The following RUSC2 variants were observed in gnomAD, a reference collection of about 807,000 sequenced individuals.
RUSC2 encodes AP-4 complex accessory subunit RUSC2.
A neutral mutation model predicts 122.2 loss-of-function variants in RUSC2; 34 were observed. That is an observed-to-expected ratio of 0.28 (90% CI 0.21 to 0.37). The LOEUF (loss-of-function observed/expected upper bound fraction) is 0.37. RUSC2 is among the 10% of genes least tolerant of loss of function. The probability of loss-of-function intolerance (pLI) is 1.00; values close to 1 mark genes in which losing one functional copy is unlikely to be tolerated. For synonymous variants in RUSC2, 784 were observed against 790.0 expected (o/e 0.99, Z 0.13); for missense variants, 1,747 against 1,952.4 (o/e 0.89, Z 1.98).
Position 35,556,149 on chromosome 9 carries a change from G to A in RUSC2, c.2842+12G>A, listed in dbSNP as rs1306492511. ...CTGCCGGCTGAATGGTGTGTGAGCA[G>A]GGTCCCCAGTACACCCGGGGCAGGC... is the stretch of plus-strand genomic sequence containing the variant. On this transcript the variant is annotated intron_variant, in intron 4 of 11. Transcript: ENST00000361226. 6 of 1,613,560 alleles carry A rather than the reference G, an allele frequency of 3.7e-6. No individual in the cohort carries two copies. The highest frequency in any genetic ancestry group is 4.2e-6 in the Non-Finnish European group (5 of 1,179,710).
At chr9:35,501,341 C>G (rs1049131341) in intron 1 of RUSC2, among the ~76,000 whole-genome samples, 3 of 152,184 alleles carry the variant, frequency 2.0e-5, no homozygotes, top group African/African-American at 7.2e-5. Flanking sequence ...CTTTGGGAGG[C>G]CAAGTAAGGT....
Position 35,549,738 on chromosome 9 carries a change from G to A in RUSC2, c.2014+1203G>A, listed in dbSNP as rs546484117. ...AATAGCTTGACCCTTTCTAGGAACT[G>A]CATATAATTTGGTGAAGCCATAGTG... On this transcript the variant is annotated intron_variant, in intron 2 of 11. Transcript: ENST00000361226. Among the ~76,000 whole-genome samples, 5 of 152,336 alleles carry A rather than the reference G, an allele frequency of 3.3e-5. No homozygotes were observed. The South Asian group carries it at 1.0e-3, about 32-fold the overall frequency.
chr9:35,509,171 T>A (rs1820970541), intron 1 of RUSC2, among the ~76,000 whole-genome samples: 1 of 151,982 alleles, frequency 6.6e-6, no homozygotes, highest in South Asian at 2.1e-4. Flanking sequence ...CAAAAAAAAA[T>A]TAAAAATTAG....
chr9:35,541,382 C>T (rs569017957), intron 1 of RUSC2, among the ~76,000 whole-genome samples: 1 of 151,562 alleles, frequency 6.6e-6, no homozygotes, highest in Non-Finnish European at 1.5e-5. Flanking sequence ...AAAAGTCACT[C>T]CCAGGAAAGG....
chr9:35,554,402 G>A (rs946815410), intron 2 of RUSC2, among the ~76,000 whole-genome samples: 1 of 152,196 alleles, frequency 6.6e-6, no homozygotes, highest in African/African-American at 2.4e-5. Context: ...TAACAGGTAG[G>A]CTGCAAGTAA....
At chr9:35,542,310 T>C (rs1483097973) in intron 1 of RUSC2, among the ~76,000 whole-genome samples, 1 of 152,232 alleles carries the variant, frequency 6.6e-6, no homozygotes, top group African/African-American at 2.4e-5. Context: ...GCTACAACTA[T>C]ACAGCTTTTA....
At chr9:35,491,111 A>T (rs1366486149) in intron 1 of RUSC2, among the ~76,000 whole-genome samples, 1 of 149,004 alleles carries the variant, frequency 6.7e-6, no homozygotes, top group South Asian at 2.2e-4. Flanking sequence ...AAAAAAAAAA[A>T]GGCGGAATTT....
intron 2 of RUSC2, among the ~76,000 whole-genome samples, chr9:35,554,691 G>A (rs1821970364): frequency 6.6e-6 from 1 of 152,216 alleles, no homozygotes; most frequent in Non-Finnish European, 1.5e-5. Context: ...TGGAGATGAA[G>A]AGGAAGGTCC....
intron 1 of RUSC2, among the ~76,000 whole-genome samples, chr9:35,504,687 A>G (rs1162237426): frequency 6.6e-6 from 1 of 152,056 alleles, no homozygotes; most frequent in East Asian, 1.9e-4. Context: ...CTGGTTTTAA[A>G]TCCCTGACCT....
rs547045829 is a variant in RUSC2, at chr9:35,500,553, C to A, written c.-93+10381C>A. 5.9e-5 allele frequency among the ~76,000 whole-genome samples: 9 copies of A among 152,246 alleles called. No homozygotes were observed. In the East Asian group the frequency reaches 9.6e-4, roughly 16 times the overall value. On this transcript the variant is annotated intron_variant, in intron 1 of 11. Transcript: ENST00000361226. ...TTTATTTCACAATTTTGTGGATGGG[C>A]TGGTGGTTTTTTGTACTTCTGAAAA...
At chr9:35,519,066 T>C (rs758217326) in intron 1 of RUSC2, among the ~76,000 whole-genome samples, 2 of 152,208 alleles carry the variant, frequency 1.3e-5, no homozygotes, top group Non-Finnish European at 2.9e-5. Context: ...GCTGGACATA[T>C]GAAAGCTCTG....
intron 1 of RUSC2, among the ~76,000 whole-genome samples, chr9:35,495,061 A>T: frequency 1.4e-5 from 1 of 73,052 alleles, no homozygotes; most frequent in African/African-American, 6.1e-5. Flanking sequence ...AATATATACT[A>T]TAGTATATAT....
chr9:35,506,961 T>A (rs1031045338), intron 1 of RUSC2, among the ~76,000 whole-genome samples: 3 of 151,820 alleles, frequency 2.0e-5, no homozygotes, highest in African/African-American at 4.8e-5. Flanking sequence ...ACAAAAAAAA[T>A]TTAAAAATTA....
intron 1 of RUSC2, among the ~76,000 whole-genome samples, chr9:35,495,862 C>G (rs1438122596): frequency 6.6e-6 from 1 of 152,126 alleles, no homozygotes; most frequent in African/African-American, 2.4e-5. Flanking sequence ...TTGTATTTCT[C>G]AGTGTACAAG....
In RUSC2 at chr9:35,560,402, C is replaced by G. The variant is rs968572743; in HGVS notation, c.3762C>G (p.Ala1254=). Residue 1254 remains alanine (A), a synonymous_variant, in exon 10 of 12, where the codon GCC becomes GCG. Transcript: ENST00000361226. Reference sequence around the variant, plus strand: ...AGACAGAAGAGGTGGCAGAGGCAGCCGGGGGCTCAGGGCGTGCCAGGTGGG... The same window carrying G: ...AGACAGAAGAGGTGGCAGAGGCAGCGGGGGGCTCAGGGCGTGCCAGGTGGG... ...EEETEEVAEA[A]GGSGRARWAR... is the part of the protein sequence containing the mutation. The G allele has an allele frequency of 1.9e-6, 3 of 1,614,044 alleles. No homozygotes were observed. The East Asian group carries it at 6.7e-5, about 36-fold the overall frequency.
intron 1 of RUSC2, among the ~76,000 whole-genome samples, chr9:35,491,069 C>T (rs934715065): frequency 2.7e-5 from 4 of 149,684 alleles, no homozygotes; most frequent in African/African-American, 4.9e-5. Flanking sequence ...ACTATGTGAA[C>T]AGTGTCCGTG....
chr9:35,548,033 G>A lies in RUSC2; in HGVS notation c.1512G>A (p.Gln504=). 1 of 1,613,802 alleles carries A rather than the reference G, an allele frequency of 6.2e-7. No individual in the cohort carries two copies. Among genetic ancestry groups the A allele is most frequent in the African/African-American group, 1.3e-5 (1 of 75,070 alleles). ...CCCGCAGCTATGATCGCAGCCTGCA[G>A]CGCAGCCCTCCTGTCCGCCTGGGCT... The part of the protein sequence containing the change: ...QRSRSYDRSL[Q]RSPPVRLGSL... The change falls in exon 2 of 12, where the codon CAG becomes CAA. Residue 504 remains glutamine (Q), a synonymous_variant. Coordinates refer to ENST00000361226, the MANE Select transcript of RUSC2 (RefSeq NM_014806.5). This position sits in a 1 kb window ranked among gnomAD's most constrained non-coding sequence, Gnocchi z 4.5.
chr9:35,511,828 T>C (rs1048784872), intron 1 of RUSC2, among the ~76,000 whole-genome samples: 4 of 152,234 alleles, frequency 2.6e-5, no homozygotes, highest in Non-Finnish European at 5.9e-5. Context: ...TCCTAAAAGA[T>C]ATATATCAGG....
At position 35,561,215 on chromosome 9, in the gene RUSC2, G is replaced by T. The variant is rs200295038; in HGVS notation, c.4384G>T (p.Gly1462Cys). 1 of 1,614,144 alleles carries T rather than the reference G, an allele frequency of 6.2e-7. No individual in the cohort carries two copies. The highest frequency in any genetic ancestry group is 1.7e-5 in the Admixed American group (1 of 60,026). ...VQALCHHLAT[G>C]PGQLSFHKGD... Reference sequence around the variant, plus strand: ...GGCACTGTGCCACCACCTGGCCACCGGCCCTGGACAGCTGAGCTTCCACAA... The same window carrying T: ...GGCACTGTGCCACCACCTGGCCACCTGCCCTGGACAGCTGAGCTTCCACAA... Residue 1462 changes from glycine to cysteine, a missense_variant, in exon 12 of 12, where the codon GGC becomes TGC. By Grantham distance (159) the Gly-to-Cys change is radical. Coordinates refer to ENST00000361226, the MANE Select transcript of RUSC2 (RefSeq NM_014806.5).
Sources: gnomAD v4.1 joint callset for allele counts (sites outside exome capture counted in the v4.1 genomes callset) on GRCh38, gnomAD v4.1.1 for gene constraint, Gnocchi (gnomAD v3.1) non-coding constraint, MANE v1.5 for transcripts, NCBI Gene and HGNC (gene_info 2026-07-23, HGNC 2026-07-21) for gene names.